The following WDR72 variants were observed in gnomAD, a reference collection of about 807,000 sequenced individuals.
WDR72 encodes WD repeat-containing protein 72.
A neutral mutation model predicts 124.2 loss-of-function variants in WDR72; 120 were observed. The ratio of observed to expected loss-of-function variants is 0.97; its 90% CI spans 0.83 to 1.12. WDR72 has a LOEUF of 1.12. Among genes scored for constraint, WDR72 ranks in the 50% most tolerant of loss-of-function variants. WDR72 has a pLI of 0.00. For missense variants in WDR72, 1,387 were observed against 1,278.8 expected, an observed-to-expected ratio of 1.08 and a Z score of -1.29; for synonymous variants, 452 against 441.7, an observed-to-expected ratio of 1.02 and a Z score of -0.29.
At chr15:53,584,645 T>C in intron 18 of WDR72, among the ~76,000 whole-genome samples, 1 of 151,998 alleles carries the variant, frequency 6.6e-6, no homozygotes, top group East Asian at 1.9e-4. Flanking sequence ...GTGTCTTGCA[T>C]CTCTTAAAAT....
chr15:53,616,567 G>T (rs1448326910), intron 14 of WDR72, among the ~76,000 whole-genome samples: 1 of 151,690 alleles, frequency 6.6e-6, no homozygotes, highest in Non-Finnish European at 1.5e-5. Context: ...TTGTCATAAA[G>T]ACATACAAGG....
At chr15:53,720,242 C>T (rs1315918361) in intron 3 of WDR72, among the ~76,000 whole-genome samples, 1 of 151,980 alleles carries the variant, frequency 6.6e-6, no homozygotes, top group Admixed American at 6.6e-5. Context: ...ATAAATATAG[C>T]TTAAGGTCTA....
At chr15:53,702,498 T>C in intron 11 of WDR72, 144 bp from the exon 12 acceptor site, 2 of 671,440 alleles carry the variant, frequency 3.0e-6, no homozygotes, top group South Asian at 3.9e-5. Context: ...GTGAACATCC[T>C]TAGATCATCT....
Position 53,699,940 on chromosome 15 carries a change from C to A in WDR72, c.1575G>T (p.Arg525Ser), listed in dbSNP as rs752455308. The change falls in exon 13 of 20, where the codon AGG becomes AGT. Residue 525 changes from arginine (R) to serine (S), a missense_variant. By Grantham distance (110) the Arg-to-Ser change is moderately radical. Transcript: ENST00000360509. The part of the protein sequence containing the change: ...LLMSPEKFKL[R>S]GEQIICCVCG... ...ACACACAGCAAATTATCTGCTCACC[C>A]CTTAGCTGTGAAAAAACAACATGCT... 6 of 1,614,172 alleles carry A rather than the reference C, an allele frequency of 3.7e-6. No homozygotes were observed. Among genetic ancestry groups the A allele is most frequent in the Non-Finnish European group, 5.1e-6 (6 of 1,180,040 alleles).
intron 13 of WDR72, among the ~76,000 whole-genome samples, chr15:53,682,711 T>A (rs943320760): frequency 6.6e-5 from 10 of 152,174 alleles, no homozygotes; most frequent in Non-Finnish European, 1.2e-4. Flanking sequence ...AAGAGTCACC[T>A]TTATTCCAGT....
chr15:53,624,164 G>A lies in WDR72; in HGVS notation c.1963-7921C>T, dbSNP rs545729890. ...AGAAGGTATGCATATAGCGTGAACT[G>A]AGAAAATTTCAGAATGGCTGAAAGG... On this transcript the variant is annotated intron_variant, in intron 14 of 19. Transcript: ENST00000360509. 1.3e-4 allele frequency among the ~76,000 whole-genome samples: 20 copies of A among 152,234 alleles called. No individual in the cohort carries two copies. In the East Asian group the frequency reaches 3.9e-3, roughly 29 times the overall value.
intron 2 of WDR72, among the ~76,000 whole-genome samples, chr15:53,729,954 G>A (rs563540750): frequency 6.6e-6 from 1 of 152,248 alleles, no homozygotes; most frequent in East Asian, 1.9e-4. Flanking sequence ...ACAAAATTAT[G>A]TGTCAATTAA....
chr15:53,644,650 C>A (rs1289416210), intron 14 of WDR72, among the ~76,000 whole-genome samples: 1 of 152,050 alleles, frequency 6.6e-6, no homozygotes, highest in Non-Finnish European at 1.5e-5. Flanking sequence ...AATCGAACAG[C>A]AAGGTGTAAA....
rs966763339 is a variant in WDR72, at chr15:53,559,623, G to C, written c.3149-36301C>G. Among the ~76,000 whole-genome samples, 3 of 151,958 alleles carry C rather than the reference G, an allele frequency of 2.0e-5. No individual in the cohort carries two copies. The East Asian group carries it at 5.8e-4, about 30-fold the overall frequency. On this transcript the variant is annotated intron_variant, in intron 18 of 19. Coordinates refer to ENST00000360509, the MANE Select transcript of WDR72 (RefSeq NM_182758.4). ...AGAAGGTTTTGTGATCCTGACTACC[G>C]TTCTTACACAGGAGGACAAAACCAA...
At chr15:53,569,420 C>T (rs1053451827) in intron 18 of WDR72, among the ~76,000 whole-genome samples, 4 of 152,006 alleles carry the variant, frequency 2.6e-5, no homozygotes, top group African/African-American at 9.7e-5. Flanking sequence ...ATGCATCAGC[C>T]ACACAGGCAA....
intron 1 of WDR72, among the ~76,000 whole-genome samples, chr15:53,735,877 A>G (rs2018339297): frequency 6.6e-6 from 1 of 152,070 alleles, no homozygotes; most frequent in East Asian, 1.9e-4. Flanking sequence ...CAAAGAAAAA[A>G]CCTACAAAAG....
At position 53,516,108 on chromosome 15, in the gene WDR72, A is replaced by G. The variant is rs1303022844; in HGVS notation, c.*1591T>C. 1 of 152,116 alleles carries G rather than the reference A, an allele frequency of 6.6e-6. No homozygotes were observed. Among genetic ancestry groups the G allele is most frequent in the Non-Finnish European group, 1.5e-5 (1 of 68,006 alleles). The allele number at this position is 152,116 out of a possible 1,614,324, so 9.4% of individuals were successfully genotyped here. A position where few individuals can be genotyped will look rare whatever the true frequency, so the allele number is the denominator to read the frequency against. The stretch of plus-strand genomic sequence containing the variant: ...TTTGACTGTTTCTAAAGGAGGGGGA[A>G]TATATTTATCAATCAGTTTTCAAAG... On this transcript the variant is annotated 3_prime_UTR_variant, in exon 20 of 20. Transcript: ENST00000360509.
chr15:53,665,652 T>C lies in WDR72; in HGVS notation c.1882A>G (p.Ser628Gly). Residue 628 changes from serine (S) to glycine (G), a missense_variant, in exon 14 of 20, where the codon AGT becomes GGT. Physicochemically the swap from Ser to Gly is moderately conservative, Grantham distance 56. Transcript: ENST00000360509. ...GGGCTGGAGGATCTCTGTTCTATAC[T>C]TTTGTGCTTAAGTGTCTCTGAGGCA... Reference protein sequence around the residue: ...PIASETLKHKSIEQRSSSPYQ... With the variant: ...PIASETLKHKGIEQRSSSPYQ... 1 of 1,613,942 alleles carries C rather than the reference T, an allele frequency of 6.2e-7. No individual in the cohort carries two copies.
chr15:53,710,873 G>C lies in WDR72; in HGVS notation c.938C>G (p.Ser313Cys). 6.2e-7 allele frequency: 1 copy of C among 1,613,026 alleles called. No individual in the cohort carries two copies. Among genetic ancestry groups the C allele is most frequent in the Non-Finnish European group, 8.5e-7 (1 of 1,179,086 alleles). ...TIYPHLLCST[S>C]VQENKEQSRP... ...TTGCATTACCTTATTTTCCTGCACAGAAGTAGAGCACAGTAAATGAGGATA... is the reference window on the plus strand; with the variant it reads ...TTGCATTACCTTATTTTCCTGCACACAAGTAGAGCACAGTAAATGAGGATA... The change falls in exon 9 of 20, where the codon TCT (serine) becomes TGT (cysteine). Residue 313 changes from serine to cysteine, a missense_variant. Ser to Cys is a moderately radical substitution (Grantham distance 112). Transcript: ENST00000360509.
intron 1 of WDR72, among the ~76,000 whole-genome samples, chr15:53,738,858 T>C (rs1482420235): frequency 6.6e-6 from 1 of 152,186 alleles, no homozygotes; most frequent in East Asian, 1.9e-4. Context: ...CTGCCCACCA[T>C]GGCCTCCCAA....
chr15:53,602,336 G>C (rs751250593), intron 17 of WDR72, among the ~76,000 whole-genome samples: 18 of 152,032 alleles, frequency 1.2e-4, no homozygotes, highest in Non-Finnish European at 2.6e-4. Flanking sequence ...AGCTAAGGTA[G>C]GGTTAAGAGA....
rs199540862 is a variant in WDR72, at chr15:53,579,318, A to G, written c.3148+17761T>C. ...TTACTGAAATAATACATTAACCAGA[A>G]TTATTAATAGAGTTGCTGGAATAAA... On this transcript the variant is annotated intron_variant, in intron 18 of 19. Transcript: ENST00000360509. Among the ~76,000 whole-genome samples, 217 of 152,264 alleles carry G rather than the reference A, an allele frequency of 1.4e-3. 1 individual carries two copies. The highest frequency in any genetic ancestry group is 2.4e-3 in the Non-Finnish European group (163 of 68,006).
intron 14 of WDR72, among the ~76,000 whole-genome samples, chr15:53,642,713 CTA>C (rs2014899226): frequency 6.6e-6 from 1 of 152,072 alleles, no homozygotes; most frequent in South Asian, 2.1e-4. Context: ...TCAAGTTACT[CTA>C]TATATTACTG....
In WDR72 at chr15:53,665,787, G is replaced by C. The variant is rs1280699147; in HGVS notation, c.1766-19C>G. The C allele has an allele frequency of 1.2e-6, 2 of 1,611,642 alleles. No homozygotes were observed. Among genetic ancestry groups the C allele is most frequent in the Non-Finnish European group, 1.7e-6 (2 of 1,178,528 alleles). On this transcript the variant is annotated intron_variant, in intron 13 of 19. Transcript: ENST00000360509. Reference sequence around the variant, plus strand: ...AAAGTGCCTGGAAAACAAGATTAGAGGTAAAAATGTCAGGAAAATATTTAC... The same window carrying C: ...AAAGTGCCTGGAAAACAAGATTAGACGTAAAAATGTCAGGAAAATATTTAC...
Sources: gnomAD v4.1 joint callset for allele counts (sites outside exome capture counted in the v4.1 genomes callset) on GRCh38, gnomAD v4.1.1 for gene constraint, MANE v1.5 for transcripts, NCBI Gene and HGNC (gene_info 2026-07-23, HGNC 2026-07-21) for gene names.